ADAM18: variants seen among roughly 807,000 people sequenced by gnomAD.
ADAM18 encodes the protein disintegrin and metalloproteinase domain-containing protein 18.
ADAM18 carries 117 observed loss-of-function variants against 94.4 expected under a neutral mutation model. That is an observed-to-expected ratio of 1.24 (90% CI 1.07 to 1.45). ADAM18 has a LOEUF of 1.45. Among genes scored for constraint, ADAM18 ranks in the 40% most tolerant of loss-of-function variants. ADAM18 has a pLI of 0.00. For missense variants in ADAM18, 936 were observed against 880.0 expected, an observed-to-expected ratio of 1.06 and a Z score of -0.81; for synonymous variants, 327 against 291.6, an observed-to-expected ratio of 1.12 and a Z score of -1.24.
chr8:39,667,574 T>C (rs189535336), intron 13 of ADAM18, among the ~76,000 whole-genome samples: 34 of 152,240 alleles, frequency 2.2e-4, no homozygotes, highest in Non-Finnish European at 4.4e-4. Flanking sequence ...AACAGATAGA[T>C]TGTGTTTCTC....
chr8:39,637,639 A>T lies in ADAM18; in HGVS notation c.763A>T (p.Arg255Ter). ...TGGGGATGCTGATGATATATTACAAAGATTTTTGGCATGGAAACGGGACTA... is the reference window on the plus strand; with the variant it reads ...TGGGGATGCTGATGATATATTACAATGATTTTTGGCATGGAAACGGGACTA... ...TSGDADDILQ[R>*]FLAWKRDYLI... The change falls in exon 9 of 20, where the codon AGA becomes TGA. Residue 255 changes from arginine (R) to a stop codon, truncating the protein, a stop_gained. Coordinates refer to ENST00000265707, the MANE Select transcript of ADAM18 (RefSeq NM_014237.3). LOFTEE classifies it high-confidence loss of function. The T allele has an allele frequency of 6.2e-7, 1 of 1,612,864 alleles. No individual in the cohort carries two copies. Among genetic ancestry groups the T allele is most frequent in the Non-Finnish European group, 8.5e-7 (1 of 1,179,304 alleles).
intron 19 of ADAM18, among the ~76,000 whole-genome samples, chr8:39,725,061 G>A (rs569509452): frequency 4.1e-4 from 63 of 151,914 alleles, no homozygotes; most frequent in Non-Finnish European, 6.8e-4. Flanking sequence ...TACCCACTGC[G>A]TGGTGGGGAG....
intron 16 of ADAM18, among the ~76,000 whole-genome samples, chr8:39,690,116 G>C (rs1320786178): frequency 6.6e-6 from 1 of 152,188 alleles, no homozygotes; most frequent in East Asian, 1.9e-4. Context: ...GCGCTGAGAG[G>C]ATGGTCCTTT....
intron 15 of ADAM18, among the ~76,000 whole-genome samples, chr8:39,678,715 TAAAAG>T (rs1198617479): frequency 6.6e-6 from 1 of 152,064 alleles, no homozygotes; most frequent in African/African-American, 2.4e-5. Flanking sequence ...GAAAAAAAGA[TAAAAG>T]AAACCTGGAA....
chr8:39,599,810 T>C (rs1029096503), intron 2 of ADAM18, among the ~76,000 whole-genome samples: 1 of 151,764 alleles, frequency 6.6e-6, no homozygotes, highest in African/African-American at 2.4e-5. Flanking sequence ...TTCTAGCAAC[T>C]TTTTTCATAT....
chr8:39,606,903 A>G (rs531913650), intron 3 of ADAM18, among the ~76,000 whole-genome samples: 5 of 152,078 alleles, frequency 3.3e-5, no homozygotes, highest in African/African-American at 9.7e-5. Context: ...CAGTGGGGGA[A>G]CTTCTGAGCC....
chr8:39,715,672 T>C (rs1265469762), intron 18 of ADAM18, among the ~76,000 whole-genome samples: 1 of 151,950 alleles, frequency 6.6e-6, no homozygotes, highest in East Asian at 1.9e-4. Flanking sequence ...AATAACCCTA[T>C]TCTCAAATAT....
At chr8:39,673,233 G>A (rs189417349) in intron 14 of ADAM18, among the ~76,000 whole-genome samples, 3 of 152,212 alleles carry the variant, frequency 2.0e-5, no homozygotes, top group East Asian at 3.9e-4. Context: ...CATTCACTGC[G>A]CCAGGGTATG....
rs141555823 is a variant in ADAM18 at position 39,613,349 on chromosome 8, A to G, written c.522+2643A>G. On this transcript the variant is annotated intron_variant, in intron 6 of 19. Coordinates refer to ENST00000265707, the MANE Select transcript of ADAM18 (RefSeq NM_014237.3). Reference sequence around the variant, plus strand: ...GATTTCAGCCCCCCAGGGTTAGAGCATGCAGCCCAGGAGTACTAAACCAAG... The same window carrying G: ...GATTTCAGCCCCCCAGGGTTAGAGCGTGCAGCCCAGGAGTACTAAACCAAG... Among the ~76,000 whole-genome samples the G allele has an allele frequency of 1.4e-3, 214 of 152,362 alleles. 3 individuals are homozygous for G. The East Asian group carries it at 0.018, about 13-fold the overall frequency.
intron 9 of ADAM18, among the ~76,000 whole-genome samples, chr8:39,638,004 A>G (rs935200722): frequency 5.9e-5 from 9 of 151,942 alleles, no homozygotes; most frequent in African/African-American, 1.9e-4. Flanking sequence ...TGATGTAAAA[A>G]CGGAGACTAT....
intron 6 of ADAM18, chr8:39,611,625 C>A (rs1264734896): frequency 1.0e-6 from 1 of 976,188 alleles, no homozygotes; most frequent in African/African-American, 1.8e-5. Context: ...AGCATTGCTT[C>A]CACATATACA....
chr8:39,690,626 T>C (rs957308053), intron 16 of ADAM18, among the ~76,000 whole-genome samples: 2 of 152,190 alleles, frequency 1.3e-5, no homozygotes, highest in African/African-American at 4.8e-5. Flanking sequence ...TCACTACTAC[T>C]TACATACAGC....
chr8:39,698,664 A>G (rs1315756672), intron 17 of ADAM18, among the ~76,000 whole-genome samples: 1 of 152,014 alleles, frequency 6.6e-6, no homozygotes, highest in Admixed American at 6.6e-5. Flanking sequence ...ATAATTTGCA[A>G]TGGAATGTTT....
At chr8:39,617,158 AG>A (rs1398787923) in intron 6 of ADAM18, among the ~76,000 whole-genome samples, 7 of 152,338 alleles carry the variant, frequency 4.6e-5, no homozygotes, top group Admixed American at 1.3e-4. Flanking sequence ...AAGAAAAAAA[AG>A]AATCCTATTT....
chr8:39,686,925 G>C (rs1408724842), intron 16 of ADAM18, among the ~76,000 whole-genome samples: 1 of 152,100 alleles, frequency 6.6e-6, no homozygotes, highest in Non-Finnish European at 1.5e-5. Context: ...AGATCTAAGG[G>C]GAATTTGTTG....
intron 2 of ADAM18, 84 bp from the exon 3 acceptor site, chr8:39,606,223 C>A (rs989913030): frequency 1.8e-5 from 13 of 734,934 alleles, no homozygotes; most frequent in Non-Finnish European, 2.7e-5. Flanking sequence ...TAGATAGACT[C>A]TTTTTATTAA....
chr8:39,671,118 A>G (rs982700234), intron 14 of ADAM18, among the ~76,000 whole-genome samples: 3 of 152,222 alleles, frequency 2.0e-5, no homozygotes, highest in African/African-American at 4.8e-5. Context: ...CAGCTCCTAG[A>G]TGTCCCAACT....
chr8:39,637,589 C>G lies in ADAM18; in HGVS notation c.713C>G (p.Ser238Ter), dbSNP rs1820117868. The change falls in exon 9 of 20, where the codon TCA becomes TGA. Residue 238 changes from serine (S) to a stop codon, truncating the protein, a stop_gained. Coordinates refer to ENST00000265707, the MANE Select transcript of ADAM18 (RefSeq NM_014237.3). LOFTEE classifies it high-confidence loss of function. ...TVILSSLELW[S>*]NENQISTSGD... is the part of the protein sequence containing the mutation. ...ATACTGTCTTCCTTGGAATTGTGGT[C>G]AAATGAAAACCAGATTTCCACCAGT... is the stretch of plus-strand genomic sequence containing the variant. The G allele has an allele frequency of 6.2e-7, 1 of 1,612,444 alleles. No individual in the cohort carries two copies. The highest frequency in any genetic ancestry group is 1.3e-5 in the African/African-American group (1 of 74,808).
Position 39,721,241 on chromosome 8 carries a change from G to GT in ADAM18, c.2018-2506dup, listed in dbSNP as rs563069759. Among the ~76,000 whole-genome samples the GT allele has an allele frequency of 6.8e-3, 1,026 of 151,502 alleles. 8 individuals are homozygous for GT. The highest frequency in any genetic ancestry group is 0.014 in the Middle Eastern group (4 of 294). ...GCCACATGCAGAAGAAAAAATCTAT[G>GT]TATTTCAACATATACAAGAATTAAC... On this transcript the variant is annotated intron_variant, in intron 18 of 19. Transcript: ENST00000265707.
Sources: allele counts gnomAD v4.1 joint callset (sites outside exome capture counted in the v4.1 genomes callset), GRCh38; gene constraint gnomAD v4.1.1; transcripts MANE v1.5; gene names NCBI Gene and HGNC (gene_info 2026-07-23, HGNC 2026-07-21).